Variants in RGS7 observed in about 807,000 individuals in gnomAD.
RGS7 encodes regulator of G-protein signaling 7.
RGS7 carries 27 observed loss-of-function variants against 81.1 expected under a neutral mutation model. The observed-to-expected ratio is 0.33, with a 90% CI of 0.25 to 0.46. RGS7 has a LOEUF of 0.46. RGS7 is among the 20% of genes least tolerant of loss of function. The pLI, the probability that RGS7 is intolerant of heterozygous loss-of-function variation, is 1.00. For missense variants in RGS7, 396 were observed against 607.4 expected (o/e 0.65, Z 3.66); for synonymous variants, 208 against 207.7 (o/e 1.00, Z -0.01).
chr1:241,225,379 T>C (rs1213149351), intron 2 of RGS7, among the ~76,000 whole-genome samples: 1 of 152,228 alleles, frequency 6.6e-6, no homozygotes, highest in African/African-American at 2.4e-5. Flanking sequence ...TTAGGTATAA[T>C]ATACCTGACC....
intron 2 of RGS7, among the ~76,000 whole-genome samples, chr1:241,187,205 T>A (rs546320997): frequency 6.6e-6 from 1 of 151,588 alleles, no homozygotes; most frequent in Admixed American, 6.6e-5. Flanking sequence ...AAAGGGAGAG[T>A]GTAGTGTTAC....
At chr1:240,846,948 C>A (rs140116593) in intron 9 of RGS7, among the ~76,000 whole-genome samples, 1 of 152,086 alleles carries the variant, frequency 6.6e-6, no homozygotes, top group Non-Finnish European at 1.5e-5. Flanking sequence ...ACTGATGCCT[C>A]ATGAAAGAAC....
intron 2 of RGS7, among the ~76,000 whole-genome samples, chr1:241,321,348 A>C (rs967736086): frequency 6.6e-6 from 1 of 152,184 alleles, no homozygotes; most frequent in Non-Finnish European, 1.5e-5. Flanking sequence ...AAAAAGCACA[A>C]GCAGTTTTTT....
chr1:241,268,384 C>G (rs999314636), intron 2 of RGS7, among the ~76,000 whole-genome samples: 2 of 152,166 alleles, frequency 1.3e-5, no homozygotes, highest in Admixed American at 6.5e-5. Flanking sequence ...CATCGTAGGA[C>G]GTTTAGCAGA....
intron 3 of RGS7, among the ~76,000 whole-genome samples, chr1:241,017,944 T>A (rs902399584): frequency 1.0e-4 from 15 of 150,032 alleles, no homozygotes; most frequent in African/African-American, 3.5e-4. Context: ...AGTCGGGTTC[T>A]GATGACTGCT....
chr1:241,251,978 C>A (rs985382548), intron 2 of RGS7, among the ~76,000 whole-genome samples: 3 of 151,998 alleles, frequency 2.0e-5, no homozygotes, highest in South Asian at 4.2e-4. Context: ...GGAGTCCAAG[C>A]GTGACTTATA....
intron 2 of RGS7, among the ~76,000 whole-genome samples, chr1:241,321,198 G>T (rs1247292799): frequency 2.6e-5 from 4 of 152,204 alleles, no homozygotes; most frequent in African/African-American, 9.6e-5. Flanking sequence ...ATTGTATCAT[G>T]ACAGAGAAGT....
chr1:240,977,252 A>G (rs539407040), intron 4 of RGS7, among the ~76,000 whole-genome samples: 16 of 152,110 alleles, frequency 1.1e-4, no homozygotes, highest in Non-Finnish European at 2.1e-4. Context: ...CCCTTATCCA[A>G]TGATTGCTGC....
intron 2 of RGS7, among the ~76,000 whole-genome samples, chr1:241,338,436 C>T (rs1186390374): frequency 2.0e-5 from 3 of 152,040 alleles, no homozygotes; most frequent in Non-Finnish European, 1.5e-5. Context: ...AAAGACATTA[C>T]AAGAAAAGAT....
intron 2 of RGS7, among the ~76,000 whole-genome samples, chr1:241,224,829 C>T (rs6662036): frequency 0.18 from 26,792 of 152,066 alleles, 2,696 homozygotes; most frequent in Middle Eastern, 0.22. Context: ...AGGTCCACTA[C>T]GCTTTGGTAT....
At chr1:241,343,835 C>G (rs1336758482) in intron 2 of RGS7, among the ~76,000 whole-genome samples, 1 of 151,818 alleles carries the variant, frequency 6.6e-6, no homozygotes, top group Non-Finnish European at 1.5e-5. Flanking sequence ...TTAAATATAG[C>G]TAAAATGGTA....
At chr1:240,837,036 C>A (rs1029989657) in intron 9 of RGS7, among the ~76,000 whole-genome samples, 1 of 152,214 alleles carries the variant, frequency 6.6e-6, no homozygotes, top group African/African-American at 2.4e-5. Context: ...CAAAGAGCAA[C>A]CAAGAGGACT....
chr1:240,816,252 A>G, intron 11 of RGS7, 65 bp downstream of exon 11: 1 of 999,610 alleles, frequency 1.0e-6, no homozygotes, highest in South Asian at 1.3e-5. Context: ...ATTAACATTT[A>G]CCCTCTGGTT....
At position 241,082,755 on chromosome 1, in the gene RGS7, A is replaced by G. The variant is rs142478561; in HGVS notation, c.175+15911T>C. Among the ~76,000 whole-genome samples, 1,380 of 152,324 alleles carry G rather than the reference A, an allele frequency of 9.1e-3. 30 individuals are homozygous for G. Among genetic ancestry groups the G allele is most frequent in the Admixed American group, 0.032 (487 of 15,300 alleles). On this transcript the variant is annotated intron_variant, in intron 3 of 18. Transcript: ENST00000440928. ...TGACACAAAGAAAAGATAAATATTT[A>G]AAGTGATGGATATCCCAATTACCCT...
At chr1:240,922,349 A>G (rs758810082) in intron 6 of RGS7, among the ~76,000 whole-genome samples, 4 of 152,086 alleles carry the variant, frequency 2.6e-5, no homozygotes, top group Non-Finnish European at 5.9e-5. Context: ...CAAAAGCACA[A>G]TCTATGAGAA....
intron 2 of RGS7, among the ~76,000 whole-genome samples, chr1:241,176,581 G>T (rs971029747): frequency 3.3e-5 from 5 of 152,098 alleles, no homozygotes; most frequent in Admixed American, 2.0e-4. Context: ...TGAGATTTGG[G>T]CTCAATCAAT....
At chr1:241,066,930 A>G (rs2062097325) in intron 3 of RGS7, among the ~76,000 whole-genome samples, 1 of 152,212 alleles carries the variant, frequency 6.6e-6, no homozygotes, top group Non-Finnish European at 1.5e-5. Flanking sequence ...GTGGAAAGAG[A>G]GGACAAGAAA....
chr1:241,078,560 A>T (rs2062960256), intron 3 of RGS7, among the ~76,000 whole-genome samples: 1 of 151,516 alleles, frequency 6.6e-6, no homozygotes, highest in African/African-American at 2.4e-5. Flanking sequence ...TGTTGTTTAG[A>T]TTCAGGGGGT....
intron 3 of RGS7, among the ~76,000 whole-genome samples, chr1:241,066,142 C>G (rs952426706): frequency 2.1e-4 from 32 of 151,984 alleles, no homozygotes; most frequent in Admixed American, 1.3e-4. Flanking sequence ...ACTCAACTAC[C>G]AACATTATGG....
Sources: gnomAD v4.1 joint callset for allele counts (sites outside exome capture counted in the v4.1 genomes callset) on GRCh38, gnomAD v4.1.1 for gene constraint, MANE v1.5 for transcripts, NCBI Gene and HGNC (gene_info 2026-07-23, HGNC 2026-07-21) for gene names.